MARCHF4: variants seen among roughly 807,000 people sequenced by gnomAD.
The protein encoded by MARCHF4 is membrane associated ring-CH-type finger 4.
In MARCHF4, 14 loss-of-function variants were observed where a neutral mutation model predicts 43.9. That is an observed-to-expected ratio of 0.32 (90% confidence interval 0.21 to 0.50). The LOEUF (loss-of-function observed/expected upper bound fraction) is 0.50, where lower values mean the gene tolerates loss of function less well. Among genes scored for constraint, MARCHF4 ranks in the 20% least tolerant of loss-of-function variants. The pLI is 0.98. For missense variants in MARCHF4, 468 were observed against 536.7 expected (o/e 0.87, Z 1.27); for synonymous variants, 226 against 213.3 (o/e 1.06, Z -0.52).
chr2:216,290,430 G>C (rs530884997), intron 1 of MARCHF4, among the ~76,000 whole-genome samples: 1 of 152,154 alleles, frequency 6.6e-6, no homozygotes, highest in African/African-American at 2.4e-5. Flanking sequence ...AAGAGGAGCC[G>C]AAAATGAAGT....
intron 1 of MARCHF4, among the ~76,000 whole-genome samples, chr2:216,344,952 T>C (rs1692297284): frequency 6.6e-6 from 1 of 151,596 alleles, no homozygotes. Context: ...AATAGATATT[T>C]ACAGGAGTGA....
At chr2:216,305,062 G>A (rs1290172489) in intron 1 of MARCHF4, among the ~76,000 whole-genome samples, 2 of 152,174 alleles carry the variant, frequency 1.3e-5, no homozygotes, top group Non-Finnish European at 2.9e-5. Context: ...GTGACAGGAA[G>A]CTTACTACCT....
At chr2:216,369,646 TA>T in intron 1 of MARCHF4, 98 bp downstream of exon 1, 3 of 995,844 alleles carry the variant, frequency 3.0e-6, no homozygotes, top group Non-Finnish European at 4.5e-6. Flanking sequence ...GTCCTCATAC[TA>T]AAGACAATAT....
intron 1 of MARCHF4, among the ~76,000 whole-genome samples, chr2:216,292,795 G>A (rs982169866): frequency 6.6e-6 from 1 of 152,138 alleles, no homozygotes; most frequent in African/African-American, 2.4e-5. Flanking sequence ...AAATAAGCTA[G>A]GAGAAACCAG....
At chr2:216,313,095 C>A (rs1183401750) in intron 1 of MARCHF4, among the ~76,000 whole-genome samples, 1 of 152,022 alleles carries the variant, frequency 6.6e-6, no homozygotes, top group Non-Finnish European at 1.5e-5. Flanking sequence ...TTCTTCTGCA[C>A]CTTGTTAGCC....
At chr2:216,342,563 G>A (rs1692254078) in intron 1 of MARCHF4, among the ~76,000 whole-genome samples, 1 of 152,168 alleles carries the variant, frequency 6.6e-6, no homozygotes, top group Non-Finnish European at 1.5e-5. Context: ...CTGCAGGAAT[G>A]GTGGGAAGGG....
At chr2:216,261,214 C>T (rs1444399923) in intron 3 of MARCHF4, among the ~76,000 whole-genome samples, 1 of 152,164 alleles carries the variant, frequency 6.6e-6, no homozygotes, top group Non-Finnish European at 1.5e-5. Context: ...AAATCAGTCC[C>T]ACTGGGCTGA....
At chr2:216,283,427 A>C in intron 2 of MARCHF4, 147 bp downstream of exon 2, 1 of 854,404 alleles carries the variant, frequency 1.2e-6, no homozygotes, top group Admixed American at 2.6e-5. Flanking sequence ...CTCCTGCCCC[A>C]CGCCGCCCAC....
chr2:216,280,682 C>T (rs570925073), intron 2 of MARCHF4, among the ~76,000 whole-genome samples: 84 of 152,316 alleles, frequency 5.5e-4, no homozygotes, highest in African/African-American at 2.0e-3. Flanking sequence ...CAGACCCCCA[C>T]ATCTACGCCA....
chr2:216,345,909 C>T (rs554325342), intron 1 of MARCHF4, among the ~76,000 whole-genome samples: 5 of 152,078 alleles, frequency 3.3e-5, no homozygotes, highest in Non-Finnish European at 5.9e-5. Flanking sequence ...GGAGGGTCTC[C>T]GAGATCACAC....
At chr2:216,330,650 G>A (rs570928223) in intron 1 of MARCHF4, among the ~76,000 whole-genome samples, 1 of 152,094 alleles carries the variant, frequency 6.6e-6, no homozygotes, top group South Asian at 2.1e-4. Context: ...AAAATCCCAA[G>A]AACTGAAATC....
intron 1 of MARCHF4, among the ~76,000 whole-genome samples, chr2:216,310,525 G>A (rs1338934845): frequency 2.0e-5 from 3 of 152,134 alleles, no homozygotes; most frequent in Non-Finnish European, 4.4e-5. Flanking sequence ...GCCTCTGAAA[G>A]TATTAAGATT....
intron 3 of MARCHF4, among the ~76,000 whole-genome samples, chr2:216,275,871 CT>C (rs1236770798): frequency 1.3e-5 from 2 of 152,178 alleles, no homozygotes; most frequent in African/African-American, 2.4e-5. Context: ...ACCAAGCCCC[CT>C]TGTGCTCCTG....
Position 216,284,719 on chromosome 2 carries a change from T to C in MARCHF4, c.517-990A>G, listed in dbSNP as rs138364506. 6.8e-4 allele frequency among the ~76,000 whole-genome samples: 103 copies of C among 152,324 alleles called. 1 individual carries two copies. Among genetic ancestry groups the C allele is most frequent in the Admixed American group, 3.3e-4 (5 of 15,304 alleles). On this transcript the variant is annotated intron_variant, in intron 1 of 3. Transcript: ENST00000273067. ...GGATTTCCATCTGCCTCTGTAATCA[T>C]GCACTTGGCTGCAGACTATAGAATC...
rs572557329 is a variant in MARCHF4, at chr2:216,301,729, T to C, written c.517-18000A>G. ...TGAGACTATGAAAAACAAGACAATA[T>C]AGCTTTTTAGCATAAATGTACAATG... On this transcript the variant is annotated intron_variant, in intron 1 of 3. Coordinates refer to ENST00000273067, the MANE Select transcript of MARCHF4 (RefSeq NM_020814.3). Among the ~76,000 whole-genome samples the C allele has an allele frequency of 1.3e-4, 20 of 152,290 alleles. 1 individual carries two copies. The South Asian group carries it at 4.1e-3, about 32-fold the overall frequency.
rs1691070270 is a variant in MARCHF4, at chr2:216,278,470, C to T, written c.673-606G>A. On this transcript the variant is annotated intron_variant, in intron 2 of 3. Coordinates refer to ENST00000273067, the MANE Select transcript of MARCHF4 (RefSeq NM_020814.3). ...TCGATCTCCTGACCTCGTGATCCGC[C>T]CACCTCGGCCTCCCAAAGTGCTGGG... Among the ~76,000 whole-genome samples, 3 of 152,274 alleles carry T rather than the reference C, an allele frequency of 2.0e-5. No homozygotes were observed. In the South Asian group the frequency reaches 6.2e-4, roughly 32 times the overall value.
At chr2:216,265,189 T>C (rs564625227) in intron 3 of MARCHF4, among the ~76,000 whole-genome samples, 1 of 152,214 alleles carries the variant, frequency 6.6e-6, no homozygotes, top group Admixed American at 6.5e-5. Context: ...AAATGGGAAA[T>C]GAGGGGGCAT....
At chr2:216,274,530 G>A (rs1224150405) in intron 3 of MARCHF4, among the ~76,000 whole-genome samples, 2 of 148,062 alleles carry the variant, frequency 1.4e-5, no homozygotes, top group Non-Finnish European at 3.0e-5. Flanking sequence ...CACAGAAGGA[G>A]AAGTTGAATT....
At chr2:216,272,150 G>A (rs1264749749) in intron 3 of MARCHF4, among the ~76,000 whole-genome samples, 1 of 151,862 alleles carries the variant, frequency 6.6e-6, no homozygotes, top group Admixed American at 6.6e-5. Context: ...TACTGTGTCT[G>A]GCCTGAATAA....
Sources: allele counts gnomAD v4.1 joint callset (sites outside exome capture counted in the v4.1 genomes callset), GRCh38; gene constraint gnomAD v4.1.1; transcripts MANE v1.5; gene names NCBI Gene and HGNC (gene_info 2026-07-23, HGNC 2026-07-21).